Variants in HS6ST2 observed in about 807,000 individuals in gnomAD.
The protein encoded by HS6ST2 is heparan-sulfate 6-O-sulfotransferase 2.
In HS6ST2, 17 loss-of-function variants were observed where a neutral mutation model predicts 33.0. The observed-to-expected ratio is 0.52, with a 90% CI of 0.35 to 0.77. The LOEUF (loss-of-function observed/expected upper bound fraction) is 0.77. Among genes scored for constraint, HS6ST2 ranks in the 30% least tolerant of loss-of-function variants. The probability of loss-of-function intolerance (pLI) is 0.01; values close to 1 mark genes in which losing one functional copy is unlikely to be tolerated. For synonymous variants in HS6ST2, 248 were observed against 237.1 expected, an observed-to-expected ratio of 1.05 and a Z score of -0.42; for missense variants, 519 against 551.7, an observed-to-expected ratio of 0.94 and a Z score of 0.59.
chrX:132,702,855 G>T (rs942840258), intron 3 of HS6ST2, among the ~76,000 whole-genome samples: 1 of 111,431 alleles, frequency 9.0e-6, no homozygotes, highest in Non-Finnish European at 1.9e-5. Flanking sequence ...CTTGTCTGTC[G>T]TATTGTCCCC....
rs2067088250 is a variant in HS6ST2, at chrX:132,957,192, G to T, written c.563C>A (p.Ser188Tyr). The change falls in exon 2 of 5, where the codon TCC (serine) becomes TAC (tyrosine). Residue 188 changes from serine (S) to tyrosine (Y), a missense_variant. Ser to Tyr is a moderately radical substitution (Grantham distance 144). Transcript: ENST00000370833. Reference protein sequence around the residue: ...CQLLRLQAFSSPVPDPYRSED... With the variant: ...CQLLRLQAFSYPVPDPYRSED... ...CGAGCGGTACGGGTCCGGCACCGGG[G>T]AGCTGAACGCCTGCAGGCGGAGGAG... 2 of 1,211,526 alleles carry T rather than the reference G, an allele frequency of 1.7e-6. No homozygotes were observed. The highest frequency in any genetic ancestry group is 1.1e-6 in the Non-Finnish European group (1 of 895,211).
rs1019352727 is a variant in HS6ST2, at chrX:132,919,465, T to C, written c.947+37343A>G. 2.8e-4 allele frequency among the ~76,000 whole-genome samples: 31 copies of C among 111,753 alleles called. 2 individuals are homozygous for C. The highest frequency in any genetic ancestry group is 2.0e-4 in the African/African-American group (6 of 30,760). On this transcript the variant is annotated intron_variant, in intron 2 of 4. Coordinates refer to ENST00000370833, the MANE Select transcript of HS6ST2 (RefSeq NM_001394073.1). ...CTCTGGAGTTTTTCCTGAAACATAA[T>C]ATAGGTTTCATGTTAATTATTTCTT...
chrX:132,854,661 C>A (rs1039565142), intron 2 of HS6ST2, among the ~76,000 whole-genome samples: 3 of 112,517 alleles, frequency 2.7e-5, no homozygotes, highest in Non-Finnish European at 5.6e-5. Flanking sequence ...ACACAAGGAA[C>A]CTTCTGCTTT....
At chrX:132,941,525 G>T (rs1025725230) in intron 2 of HS6ST2, among the ~76,000 whole-genome samples, 1 of 112,163 alleles carries the variant, frequency 8.9e-6, no homozygotes, top group Non-Finnish European at 1.9e-5. Context: ...CTTTAAATGG[G>T]TTCTCTCCTT....
intron 2 of HS6ST2, among the ~76,000 whole-genome samples, chrX:132,854,131 G>C (rs189900937): frequency 1.4e-3 from 160 of 112,061 alleles, no homozygotes; most frequent in African/African-American, 5.0e-3. Context: ...CAGCGTTTTG[G>C]AATCTGTGCA....
intron 4 of HS6ST2, among the ~76,000 whole-genome samples, chrX:132,656,706 G>A (rs2063732334): frequency 8.9e-6 from 1 of 112,001 alleles, no homozygotes; most frequent in Non-Finnish European, 1.9e-5. Context: ...TTCCATTCTA[G>A]CAGCAGCAGG....
chrX:132,857,484 AAAAAAAAAAAG>A (rs779380960), intron 2 of HS6ST2, among the ~76,000 whole-genome samples: 348 of 106,280 alleles, frequency 3.3e-3, no homozygotes, highest in African/African-American at 0.011. Context: ...ACTCTGTCTC[AAAAAAAAAAAG>A]AAAAAAAAAA....
chrX:132,748,316 T>C (rs1413817731), intron 2 of HS6ST2, among the ~76,000 whole-genome samples: 1 of 112,352 alleles, frequency 8.9e-6, no homozygotes, highest in Admixed American at 9.4e-5. Context: ...TTGGTGATAC[T>C]CAGGAGGTCA....
chrX:132,899,427 T>C (rs1273053083), intron 2 of HS6ST2, among the ~76,000 whole-genome samples: 2 of 111,229 alleles, frequency 1.8e-5, no homozygotes, highest in African/African-American at 6.5e-5. Flanking sequence ...GCATGTTAAG[T>C]AGAAACATGG....
intron 2 of HS6ST2, among the ~76,000 whole-genome samples, chrX:132,859,182 G>A (rs1331101454): frequency 8.9e-6 from 1 of 111,876 alleles, no homozygotes; most frequent in Non-Finnish European, 1.9e-5. Flanking sequence ...CACTTAGACT[G>A]CTTTTGTGCC....
At chrX:132,791,445 G>A (rs1045730745) in intron 2 of HS6ST2, among the ~76,000 whole-genome samples, 3 of 111,756 alleles carry the variant, frequency 2.7e-5, no homozygotes, top group Non-Finnish European at 1.9e-5. Context: ...AATTCTCATC[G>A]CAATATGATC....
chrX:132,943,156 C>T (rs112544209), intron 2 of HS6ST2, among the ~76,000 whole-genome samples: 1 of 111,685 alleles, frequency 9.0e-6, no homozygotes, highest in African/African-American at 3.2e-5. Flanking sequence ...TAAAAACAAG[C>T]TAATATGTTG....
At chrX:132,885,728 C>A (rs2066243958) in intron 2 of HS6ST2, among the ~76,000 whole-genome samples, 1 of 111,505 alleles carries the variant, frequency 9.0e-6, no homozygotes, top group Admixed American at 9.6e-5. Flanking sequence ...GCCTTAATGG[C>A]ACAAGATGTT....
chrX:132,886,285 T>C lies in HS6ST2; in HGVS notation c.947+70523A>G, dbSNP rs745835923. On this transcript the variant is annotated intron_variant, in intron 2 of 4. Coordinates refer to ENST00000370833, the MANE Select transcript of HS6ST2 (RefSeq NM_001394073.1). ...TAAATGGAAATTCTGAACTGGAAAA[T>C]TGGAGAAAGAGAAATTAAAATTTTC... Among the ~76,000 whole-genome samples the C allele has an allele frequency of 9.0e-5, 10 of 111,006 alleles. No homozygotes were observed. In the South Asian group the frequency reaches 1.1e-3, roughly 12 times the overall value.
At chrX:132,863,261 T>C (rs985929334) in intron 2 of HS6ST2, among the ~76,000 whole-genome samples, 1 of 111,776 alleles carries the variant, frequency 8.9e-6, no homozygotes, top group Non-Finnish European at 1.9e-5. Flanking sequence ...AAACAAACTA[T>C]CACGTTAGAG....
chrX:132,957,847 T>C (rs2067101315), intron 1 of HS6ST2, among the ~76,000 whole-genome samples: 1 of 111,869 alleles, frequency 8.9e-6, no homozygotes, highest in Non-Finnish European at 1.9e-5. Context: ...GCCCTCCTTT[T>C]GCCGGCGCCC....
At chrX:132,693,048 C>T (rs1376973508) in intron 3 of HS6ST2, among the ~76,000 whole-genome samples, 1 of 111,948 alleles carries the variant, frequency 8.9e-6, no homozygotes, top group Non-Finnish European at 1.9e-5. Context: ...ATGACCTCCT[C>T]CACTCCCGGT....
chrX:132,808,355 T>C (rs1451029752), intron 2 of HS6ST2, among the ~76,000 whole-genome samples: 1 of 111,833 alleles, frequency 8.9e-6, no homozygotes, highest in Non-Finnish European at 1.9e-5. Flanking sequence ...ATGATTCCTG[T>C]AACCGAAGGC....
At chrX:132,727,241 G>T (rs771854998) in intron 2 of HS6ST2, among the ~76,000 whole-genome samples, 1 of 101,986 alleles carries the variant, frequency 9.8e-6, no homozygotes, top group Non-Finnish European at 2.0e-5. Flanking sequence ...ATTATTGGGG[G>T]GGGGGGCATA....
Sources: allele counts gnomAD v4.1 joint callset (sites outside exome capture counted in the v4.1 genomes callset), GRCh38; gene constraint gnomAD v4.1.1; transcripts MANE v1.5; gene names NCBI Gene and HGNC (gene_info 2026-07-23, HGNC 2026-07-21).